Variants in RAD18 observed in about 807,000 individuals in gnomAD.
RAD18 encodes the protein RAD18 E3 ubiquitin protein ligase.
A neutral mutation model predicts 60.4 loss-of-function variants in RAD18; 47 were observed. The observed-to-expected ratio is 0.78, with a 90% CI of 0.62 to 0.99. The LOEUF (loss-of-function observed/expected upper bound fraction) is 0.99. Ranked by LOEUF, RAD18 falls within the 50% of genes least tolerant of loss-of-function variation. RAD18 has a pLI of 0.00. For missense variants in RAD18, 640 were observed against 593.3 expected, an observed-to-expected ratio of 1.08 and a Z score of -0.82; for synonymous variants, 225 against 195.5, an observed-to-expected ratio of 1.15 and a Z score of -1.26.
intron 11 of RAD18, among the ~76,000 whole-genome samples, chr3:8,895,406 G>A (rs1939766601): frequency 6.6e-6 from 1 of 152,150 alleles, no homozygotes. Context: ...TTAGGATATT[G>A]TTCCACTAGT....
At chr3:8,913,333 T>A (rs1316772015) in intron 8 of RAD18, among the ~76,000 whole-genome samples, 2 of 152,106 alleles carry the variant, frequency 1.3e-5, no homozygotes, top group Non-Finnish European at 2.9e-5. Flanking sequence ...AGCTTAGAGG[T>A]CCTTAGAGGT....
chr3:8,962,982 G>A (rs1430329038), intron 1 of RAD18, among the ~76,000 whole-genome samples: 1 of 152,200 alleles, frequency 6.6e-6, no homozygotes. Flanking sequence ...ATCATGTCCG[G>A]TGTCACTGTT....
chr3:8,912,435 A>G, intron 8 of RAD18, 63 bp from the exon 9 acceptor site: 3 of 1,145,978 alleles, frequency 2.6e-6, no homozygotes, highest in Non-Finnish European at 3.7e-6. Flanking sequence ...GGGAAATATT[A>G]CAAACCTTCA....
chr3:8,881,544 T>C (rs1939462540), intron 12 of RAD18, 85 bp from the exon 13 acceptor site: 1 of 1,076,640 alleles, frequency 9.3e-7, no homozygotes, highest in Non-Finnish European at 1.4e-6. Flanking sequence ...TTCACACATA[T>C]TATTTCATTA....
intron 5 of RAD18, among the ~76,000 whole-genome samples, chr3:8,940,707 G>A (rs769891665): frequency 2.6e-5 from 4 of 152,210 alleles, no homozygotes; most frequent in Non-Finnish European, 4.4e-5. Context: ...AAGTGCTATA[G>A]CACTTTTGTG....
At position 8,947,222 on chromosome 3, in the gene RAD18, T is replaced by A; in HGVS notation, c.264A>T (p.Ala88=). The stretch of plus-strand genomic sequence containing the variant: ...TTAGTCACAAAATTAAATCATACCG[T>A]GCAAAATTCAAGCTTTTTACCAGTT... ...LDELVKSLNF[A]RNHLLQFALE... is the part of the protein sequence containing the mutation. The change falls in exon 4 of 13, where the codon GCA becomes GCT. Residue 88 remains alanine (A), a splice_region_variant and synonymous_variant. Transcript: ENST00000264926. The A allele has an allele frequency of 6.3e-7, 1 of 1,597,550 alleles. No individual in the cohort carries two copies. The highest frequency in any genetic ancestry group is 8.6e-7 in the Non-Finnish European group (1 of 1,165,470).
intron 7 of RAD18, among the ~76,000 whole-genome samples, chr3:8,930,434 C>T (rs569930458): frequency 3.9e-5 from 6 of 152,192 alleles, no homozygotes; most frequent in Non-Finnish European, 5.9e-5. Flanking sequence ...CTAATGGATA[C>T]TGGGCTCTTT....
intron 5 of RAD18, 30 bp from the exon 6 acceptor site, chr3:8,939,683 T>C: frequency 6.4e-7 from 1 of 1,574,670 alleles, no homozygotes; most frequent in Non-Finnish European, 8.7e-7. Context: ...AAAGAGAGAC[T>C]TTATTAATTG....
chr3:8,949,437 C>A (rs760663619), intron 2 of RAD18, among the ~76,000 whole-genome samples: 4 of 151,964 alleles, frequency 2.6e-5, no homozygotes, highest in Non-Finnish European at 2.9e-5. Flanking sequence ...TAAGAGCACC[C>A]CAGGAGGAAA....
chr3:8,905,993 G>A (rs1318869404), intron 9 of RAD18, among the ~76,000 whole-genome samples: 2 of 152,110 alleles, frequency 1.3e-5, no homozygotes, highest in Non-Finnish European at 2.9e-5. Flanking sequence ...ATAATTAAAG[G>A]CTAACCTCTA....
intron 11 of RAD18, among the ~76,000 whole-genome samples, chr3:8,895,245 T>C (rs904851542): frequency 9.2e-5 from 14 of 152,154 alleles, no homozygotes; most frequent in Non-Finnish European, 1.6e-4. Context: ...TGAGGTTTAG[T>C]AGAAAAAGAT....
At chr3:8,953,488 A>C (rs911446744) in intron 2 of RAD18, among the ~76,000 whole-genome samples, 1 of 152,178 alleles carries the variant, frequency 6.6e-6, no homozygotes, top group Non-Finnish European at 1.5e-5. Context: ...GGTAAGCTGC[A>C]GACCAGCATA....
chr3:8,951,655 G>A lies in RAD18; in HGVS notation c.134-3085C>T, dbSNP rs75946312. ...AATAATAACGAAGTATTCAATTATAGATGCTTATTATGTATATGCGTATAA... is the reference window on the plus strand; with the variant it reads ...AATAATAACGAAGTATTCAATTATAAATGCTTATTATGTATATGCGTATAA... On this transcript the variant is annotated intron_variant, in intron 2 of 12. Transcript: ENST00000264926. Among the ~76,000 whole-genome samples the A allele has an allele frequency of 2.2e-3, 334 of 152,300 alleles. 1 individual carries two copies. Among genetic ancestry groups the A allele is most frequent in the African/African-American group, 7.7e-3 (318 of 41,558 alleles).
At chr3:8,958,183 A>G (rs1036662251) in intron 2 of RAD18, among the ~76,000 whole-genome samples, 7 of 152,148 alleles carry the variant, frequency 4.6e-5, no homozygotes, top group African/African-American at 1.7e-4. Context: ...TCTTCTCCAC[A>G]GAAACTTTTC....
intron 6 of RAD18, among the ~76,000 whole-genome samples, chr3:8,937,262 T>C (rs1311969925): frequency 6.6e-6 from 1 of 152,186 alleles, no homozygotes; most frequent in African/African-American, 2.4e-5. Context: ...ATTTGTTTTA[T>C]CAAGGACAGA....
At chr3:8,938,902 T>G (rs1940698383) in intron 6 of RAD18, among the ~76,000 whole-genome samples, 1 of 152,296 alleles carries the variant, frequency 6.6e-6, no homozygotes, top group East Asian at 1.9e-4. Context: ...CTGAACAACT[T>G]ATATGTGTAA....
rs549430725 is a variant in RAD18, at chr3:8,893,231, G to A, written c.1323-2780C>T. Reference sequence around the variant, plus strand: ...GCATGGCAGGTACACAGGGTACTGCGGGGTAGGAAAAAACGCAAACATCTG... The same window carrying A: ...GCATGGCAGGTACACAGGGTACTGCAGGGTAGGAAAAAACGCAAACATCTG... On this transcript the variant is annotated intron_variant, in intron 11 of 12. Transcript: ENST00000264926. Among the ~76,000 whole-genome samples, 10 of 152,148 alleles carry A rather than the reference G, an allele frequency of 6.6e-5. 1 individual carries two copies. Among genetic ancestry groups the A allele is most frequent in the African/African-American group, 1.7e-4 (7 of 41,510 alleles).
intron 7 of RAD18, among the ~76,000 whole-genome samples, chr3:8,921,522 C>A (rs1940319983): frequency 6.6e-6 from 1 of 152,082 alleles, no homozygotes; most frequent in Non-Finnish European, 1.5e-5. Flanking sequence ...TGGGCATGCG[C>A]TTGTAGTCCT....
chr3:8,891,828 C>T (rs902817372), intron 11 of RAD18, among the ~76,000 whole-genome samples: 1 of 152,238 alleles, frequency 6.6e-6, no homozygotes, highest in Admixed American at 6.5e-5. Context: ...CTGAAAAACA[C>T]AGTTGATGCT....
Sources: gnomAD v4.1 joint callset for allele counts (sites outside exome capture counted in the v4.1 genomes callset) on GRCh38, gnomAD v4.1.1 for gene constraint, MANE v1.5 for transcripts, NCBI Gene and HGNC (gene_info 2026-07-23, HGNC 2026-07-21) for gene names.